The following CDH9 variants were observed in gnomAD, a reference collection of about 807,000 sequenced individuals.
The protein encoded by CDH9 is cadherin-9.
In CDH9, 28 loss-of-function variants were observed where a neutral mutation model predicts 70.9. The observed-to-expected ratio is 0.40, with a 90% CI of 0.29 to 0.54. CDH9 has a LOEUF of 0.54. Ranked by LOEUF, CDH9 falls within the 20% of genes least tolerant of loss-of-function variation. The probability of loss-of-function intolerance (pLI) is 0.59; values close to 1 mark genes in which losing one functional copy is unlikely to be tolerated. For synonymous variants in CDH9, 409 were observed against 343.1 expected (o/e 1.19, Z -2.12); for missense variants, 874 against 984.4 (o/e 0.89, Z 1.50).
chr5:26,887,922 C>A lies in CDH9; in HGVS notation c.1513-1839G>T, dbSNP rs529853243. ...CCAAGGGAGGATAGTCTCCTAGAAC[C>A]TTTAGAGAGAGCATAGATAGCCCTG... On this transcript the variant is annotated intron_variant, in intron 9 of 11. Transcript: ENST00000231021. Among the ~76,000 whole-genome samples, 5 of 152,182 alleles carry A rather than the reference C, an allele frequency of 3.3e-5. No homozygotes were observed. In the East Asian group the frequency reaches 5.8e-4, roughly 18 times the overall value.
intron 1 of CDH9, among the ~76,000 whole-genome samples, chr5:27,026,133 A>G (rs1315449359): frequency 6.6e-6 from 1 of 151,976 alleles, no homozygotes; most frequent in East Asian, 1.9e-4. Flanking sequence ...ACATTATATC[A>G]TATTGGAATA....
At chr5:26,998,387 A>T (rs1486132923) in intron 1 of CDH9, among the ~76,000 whole-genome samples, 1 of 152,204 alleles carries the variant, frequency 6.6e-6, no homozygotes, top group African/African-American at 2.4e-5. Flanking sequence ...CACATGGAAT[A>T]CTATGCAGCC....
chr5:26,898,827 T>G (rs537559622), intron 7 of CDH9, among the ~76,000 whole-genome samples: 24 of 152,264 alleles, frequency 1.6e-4, no homozygotes, highest in African/African-American at 5.5e-4. Context: ...AAATGAGATC[T>G]AATTAAACTA....
intron 2 of CDH9, among the ~76,000 whole-genome samples, chr5:26,976,535 T>C (rs1434957308): frequency 6.6e-6 from 1 of 152,024 alleles, no homozygotes; most frequent in Non-Finnish European, 1.5e-5. Flanking sequence ...CTTCCCGGGC[T>C]CAAGCAATCC....
At chr5:26,943,369 C>T (rs1741695141) in intron 2 of CDH9, among the ~76,000 whole-genome samples, 6 of 151,948 alleles carry the variant, frequency 3.9e-5, no homozygotes, top group Admixed American at 3.9e-4. Context: ...CAAAATTAGC[C>T]TGACGTGGTG....
chr5:26,921,943 C>A (rs1741250834), intron 2 of CDH9, among the ~76,000 whole-genome samples: 1 of 149,644 alleles, frequency 6.7e-6, no homozygotes, highest in South Asian at 2.1e-4. Context: ...AAGAATGCAT[C>A]AGAGTATGTT....
At chr5:26,906,371 A>T (rs2111992333) in intron 4 of CDH9, among the ~76,000 whole-genome samples, 1 of 152,312 alleles carries the variant, frequency 6.6e-6, no homozygotes, top group South Asian at 2.1e-4. Context: ...TACAAAAATT[A>T]ACTTCAGTCA....
At chr5:26,910,612 C>T (rs1005376150) in intron 3 of CDH9, among the ~76,000 whole-genome samples, 2 of 152,120 alleles carry the variant, frequency 1.3e-5, no homozygotes, top group Admixed American at 6.6e-5. Context: ...AACAGAATCA[C>T]TCTATGAACT....
rs759549104 is a variant in CDH9 at position 27,008,359 on chromosome 5, G to A, written c.-49-19977C>T. On this transcript the variant is annotated intron_variant, in intron 1 of 11. Coordinates refer to ENST00000231021, the MANE Select transcript of CDH9 (RefSeq NM_016279.4). ...ACAAAAATCAGCTGAGTGTGGTGGC[G>A]GGTGCCTGTAATACCAGCTACTTGA... is the stretch of plus-strand genomic sequence containing the variant. 3.3e-5 allele frequency among the ~76,000 whole-genome samples: 5 copies of A among 151,932 alleles called. No individual in the cohort carries two copies. In the South Asian group the frequency reaches 6.2e-4, roughly 19 times the overall value.
rs981514451 is a variant in CDH9, at chr5:26,881,095, G to A, written c.*41C>T. 1 of 1,528,628 alleles carries A rather than the reference G, an allele frequency of 6.5e-7. No homozygotes were observed. The highest frequency in any genetic ancestry group is 8.8e-7 in the Non-Finnish European group (1 of 1,132,362). The allele number at this position is 1,528,628 out of a possible 1,614,324, so 94.7% of individuals were successfully genotyped here. ...GCAGGCCACTCAATCTAATAACATA[G>A]ACAGTACTTCCACTAATATTGATTA... is the stretch of plus-strand genomic sequence containing the variant. On this transcript the variant is annotated 3_prime_UTR_variant, in exon 12 of 12. Transcript: ENST00000231021.
At chr5:26,913,682 C>T (rs867145537) in intron 3 of CDH9, among the ~76,000 whole-genome samples, 4 of 151,726 alleles carry the variant, frequency 2.6e-5, no homozygotes, top group Admixed American at 6.6e-5. Context: ...ATCTTTCATG[C>T]ATAAACTTAT....
intron 1 of CDH9, among the ~76,000 whole-genome samples, chr5:27,018,474 G>T (rs1173167960): frequency 6.6e-6 from 1 of 151,494 alleles, no homozygotes; most frequent in Non-Finnish European, 1.5e-5. Flanking sequence ...TCCACTATTA[G>T]TAAGTTCAAC....
Position 26,881,549 on chromosome 5 carries a change from G to T in CDH9, c.1957C>A (p.Arg653=). The T allele has an allele frequency of 6.2e-7, 1 of 1,613,458 alleles. No individual in the cohort carries two copies. The highest frequency in any genetic ancestry group is 8.5e-7 in the Non-Finnish European group (1 of 1,179,694). The change falls in exon 12 of 12, where the codon CGG becomes AGG. Residue 653 remains arginine, a synonymous_variant. Transcript: ENST00000231021. ...EPLIISKDDV[R]DNIVTYNDEG... ...TCGTTGTAGGTCACAATGTTGTCCC[G>T]GACATCGTCTTTTGAAATTATCAGA...
intron 1 of CDH9, among the ~76,000 whole-genome samples, chr5:27,036,781 G>A (rs1280082365): frequency 6.6e-6 from 1 of 151,462 alleles, no homozygotes; most frequent in Non-Finnish European, 1.5e-5. Context: ...CAACATGTTG[G>A]CATATATCTA....
At chr5:26,903,444 T>C (rs565965995) in intron 6 of CDH9, 193 bp downstream of exon 6, 39 of 682,192 alleles carry the variant, frequency 5.7e-5, no homozygotes, top group Non-Finnish European at 8.5e-5. Context: ...CATGAACAAC[T>C]GAGGTTTTAA....
chr5:26,902,605 T>C lies in CDH9; in HGVS notation c.1124A>G (p.Glu375Gly), dbSNP rs1740875462. 2 of 1,601,592 alleles carry C rather than the reference T, an allele frequency of 1.2e-6. No homozygotes were observed. Among genetic ancestry groups the C allele is most frequent in the South Asian group, 2.2e-5 (2 of 90,838 alleles). ...GAACACAGGAGGCTCATCTATATCT[T>C]CCACAGATATTTTGACCACAGCTGT... ...KDTAVVKISVEDIDEPPVFTK... is the reference protein window; with the variant it reads ...KDTAVVKISVGDIDEPPVFTK... Residue 375 changes from glutamate (E) to glycine (G), a missense_variant, in exon 7 of 12, where the codon GAA (glutamate) becomes GGA (glycine). Glu to Gly is a moderately conservative substitution (Grantham distance 98). Transcript: ENST00000231021.
intron 1 of CDH9, among the ~76,000 whole-genome samples, chr5:27,000,552 G>A (rs1204878942): frequency 6.6e-6 from 1 of 152,092 alleles, no homozygotes; most frequent in Non-Finnish European, 1.5e-5. Context: ...GACCGAAGTT[G>A]GAACAACTTC....
chr5:27,017,446 G>A (rs1743064962), intron 1 of CDH9, among the ~76,000 whole-genome samples: 1 of 151,482 alleles, frequency 6.6e-6, no homozygotes, highest in South Asian at 2.1e-4. Flanking sequence ...TTTTTGGGGG[G>A]GCAAGCTAAA....
intron 1 of CDH9, among the ~76,000 whole-genome samples, chr5:27,006,775 A>G (rs1359035629): frequency 6.6e-6 from 1 of 152,124 alleles, no homozygotes; most frequent in Non-Finnish European, 1.5e-5. Flanking sequence ...GGAATAAAGT[A>G]TCATATCATG....
Sources: gnomAD v4.1 joint callset for allele counts (sites outside exome capture counted in the v4.1 genomes callset) on GRCh38, gnomAD v4.1.1 for gene constraint, MANE v1.5 for transcripts, NCBI Gene and HGNC (gene_info 2026-07-23, HGNC 2026-07-21) for gene names.